The following SAMD4A variants were observed in gnomAD, a reference collection of about 807,000 sequenced individuals.
SAMD4A encodes the protein sterile alpha motif domain containing 4A.
SAMD4A carries 33 observed loss-of-function variants against 81.3 expected under a neutral mutation model. That is an observed-to-expected ratio of 0.41 (90% CI 0.31 to 0.54). The LOEUF is 0.54. Ranked by LOEUF, SAMD4A falls within the 20% of genes least tolerant of loss-of-function variation. SAMD4A has a pLI of 0.37. For missense variants in SAMD4A, 854 were observed against 951.1 expected (o/e 0.90, Z 1.34); for synonymous variants, 389 against 382.1 (o/e 1.02, Z -0.21).
intron 2 of SAMD4A, among the ~76,000 whole-genome samples, chr14:54,701,850 A>G (rs2036726971): frequency 6.6e-6 from 1 of 152,232 alleles, no homozygotes; most frequent in Admixed American, 6.5e-5. Flanking sequence ...TGAGTACTCA[A>G]TATCTAAGAA....
intron 3 of SAMD4A, among the ~76,000 whole-genome samples, chr14:54,731,592 G>T (rs1266891285): frequency 6.6e-6 from 1 of 152,186 alleles, no homozygotes; most frequent in Non-Finnish European, 1.5e-5. Context: ...GTTTAGTTGT[G>T]CTAGCTATTT....
At chr14:54,604,974 G>A (rs1377273571) in intron 2 of SAMD4A, among the ~76,000 whole-genome samples, 1 of 152,182 alleles carries the variant, frequency 6.6e-6, no homozygotes, top group African/African-American at 2.4e-5. Context: ...TGAATACCAA[G>A]TGAGAGTGGC....
intron 2 of SAMD4A, among the ~76,000 whole-genome samples, chr14:54,604,088 G>A (rs1413309372): frequency 1.3e-5 from 2 of 152,218 alleles, no homozygotes; most frequent in Admixed American, 6.5e-5. Flanking sequence ...CTCCCAAAGT[G>A]CTGGGATTAC....
chr14:54,732,289 T>C (rs1042295264), intron 3 of SAMD4A, among the ~76,000 whole-genome samples: 9 of 152,190 alleles, frequency 5.9e-5, no homozygotes, highest in African/African-American at 2.2e-4. Flanking sequence ...ATTTGTTGTA[T>C]TAATTCCAAT....
chr14:54,774,935 C>A lies in SAMD4A; in HGVS notation c.1717C>A (p.Arg573=), dbSNP rs1308951369. ...TTCCTTCTCTCTTGGCTCTCACAGT[C>A]GAGGCTTTGGGCAATCCAACTCCCT... ...DISGYRQQRN[R]GFGQSNSLPT... Residue 573 remains arginine (R), a splice_region_variant and synonymous_variant, in exon 10 of 13, where the codon CGA becomes AGA. Coordinates refer to ENST00000554335, the MANE Select transcript of SAMD4A (RefSeq NM_015589.6). 6.2e-7 allele frequency: 1 copy of A among 1,614,082 alleles called. No homozygotes were observed. Among genetic ancestry groups the A allele is most frequent in the East Asian group, 2.2e-5 (1 of 44,876 alleles).
Position 54,734,162 on chromosome 14 carries a change from T to C in SAMD4A, c.716-2862T>C, listed in dbSNP as rs540070603. Among the ~76,000 whole-genome samples, 13 of 152,332 alleles carry C rather than the reference T, an allele frequency of 8.5e-5. No individual in the cohort carries two copies. In the South Asian group the frequency reaches 2.7e-3, roughly 32 times the overall value. On this transcript the variant is annotated intron_variant, in intron 3 of 12. Coordinates refer to ENST00000554335, the MANE Select transcript of SAMD4A (RefSeq NM_015589.6). ...GTCGCCAAGGCACCTGTCACCTGTT[T>C]TAATCTCCTTCCCACAAGAATACAA...
At chr14:54,606,716 A>G (rs1350112057) in intron 2 of SAMD4A, among the ~76,000 whole-genome samples, 2 of 152,236 alleles carry the variant, frequency 1.3e-5, no homozygotes, top group Non-Finnish European at 2.9e-5. Flanking sequence ...TTAGTGACTC[A>G]GAGAATTCTT....
At chr14:54,760,069 C>G (rs1323766705) in intron 6 of SAMD4A, 92 bp from the exon 7 acceptor site, 8 of 1,336,008 alleles carry the variant, frequency 6.0e-6, no homozygotes. Flanking sequence ...GCCACGAATC[C>G]TGTAAGAGCT....
At chr14:54,730,450 G>A (rs1439078080) in intron 3 of SAMD4A, among the ~76,000 whole-genome samples, 3 of 152,148 alleles carry the variant, frequency 2.0e-5, no homozygotes, top group African/African-American at 2.4e-5. Flanking sequence ...GGAACATCCC[G>A]TCCACCAACC....
intron 2 of SAMD4A, among the ~76,000 whole-genome samples, chr14:54,691,175 T>A (rs1437382305): frequency 6.6e-6 from 1 of 152,192 alleles, no homozygotes; most frequent in Non-Finnish European, 1.5e-5. Context: ...TTTCCCTGCC[T>A]GAGCCCTCTC....
chr14:54,759,007 T>A (rs999437784), intron 6 of SAMD4A, among the ~76,000 whole-genome samples: 2 of 152,084 alleles, frequency 1.3e-5, no homozygotes, highest in South Asian at 2.1e-4. Context: ...CAGCCACAAG[T>A]GTTTGGGCCT....
Position 54,567,927 on chromosome 14 carries a change from G to C in SAMD4A, c.11G>C (p.Arg4Pro). 1 of 1,607,584 alleles carries C rather than the reference G, an allele frequency of 6.2e-7. No homozygotes were observed. Among genetic ancestry groups the C allele is most frequent in the Non-Finnish European group, 8.5e-7 (1 of 1,178,902 alleles). Residue 4 changes from arginine to proline, a missense_variant, in exon 2 of 13, where the codon CGC becomes CCC. Arg to Pro is a moderately radical substitution (Grantham distance 103, BLOSUM62 -2). Around this residue, in one of 3 missense-constraint regions of SAMD4A, gnomAD observed 387 missense variants for 405.8 expected, o/e 0.95. Transcript: ENST00000554335. The part of the protein sequence containing the change: MMF[R>P]DQVGVLAGWF... Reference sequence around the variant, plus strand: ...GGCGGCCCCCTAACCATGATGTTTCGCGACCAGGTCGGGGTGCTGGCGGGC... The same window carrying C: ...GGCGGCCCCCTAACCATGATGTTTCCCGACCAGGTCGGGGTGCTGGCGGGC...
Position 54,774,552 on chromosome 14 carries a change from A to T in SAMD4A, c.1716-382A>T, listed in dbSNP as rs548166646. 3.3e-5 allele frequency among the ~76,000 whole-genome samples: 5 copies of T among 151,862 alleles called. No individual in the cohort carries two copies. The East Asian group carries it at 9.7e-4, about 30-fold the overall frequency. Reference sequence around the variant, plus strand: ...ACCCTGTCTCCACCAAAAATATAAAAATCTGTAGTCCCAACTACTCAAGAG... The same window carrying T: ...ACCCTGTCTCCACCAAAAATATAAATATCTGTAGTCCCAACTACTCAAGAG... On this transcript the variant is annotated intron_variant, in intron 9 of 12. Transcript: ENST00000554335.
intron 3 of SAMD4A, among the ~76,000 whole-genome samples, chr14:54,727,165 CCTTTTTTTT>C (rs2037437550): frequency 1.0e-4 from 8 of 79,882 alleles, no homozygotes; most frequent in Non-Finnish European, 2.4e-4. Flanking sequence ...TTCTTTTTTT[CCTTTTTTTT>C]TTTTTTTTTT....
At chr14:54,751,784 G>A (rs1202182170) in intron 6 of SAMD4A, among the ~76,000 whole-genome samples, 1 of 152,196 alleles carries the variant, frequency 6.6e-6, no homozygotes, top group South Asian at 2.1e-4. Flanking sequence ...CTAGAGCCCT[G>A]ATGAAGTGCT....
intron 12 of SAMD4A, among the ~76,000 whole-genome samples, chr14:54,788,273 G>C (rs1437799089): frequency 6.6e-6 from 1 of 152,208 alleles, no homozygotes; most frequent in Admixed American, 6.5e-5. Context: ...TCAGGGACGT[G>C]GGTTGAGAAG....
chr14:54,776,334 TC>T, intron 10 of SAMD4A, 79 bp from the exon 11 acceptor site: 1 of 1,467,042 alleles, frequency 6.8e-7, no homozygotes. Context: ...GATCTTTGCC[TC>T]CCAAATTCTT....
At chr14:54,574,549 C>T (rs956713637) in intron 2 of SAMD4A, among the ~76,000 whole-genome samples, 2 of 152,056 alleles carry the variant, frequency 1.3e-5, no homozygotes, top group African/African-American at 2.4e-5. Context: ...GGATATTCAC[C>T]GTCATAAGTG....
chr14:54,626,474 G>C (rs749639924), intron 2 of SAMD4A, among the ~76,000 whole-genome samples: 14 of 152,130 alleles, frequency 9.2e-5, no homozygotes, highest in Non-Finnish European at 1.5e-4. Flanking sequence ...TTATAAAGGT[G>C]CCATTCAGGA....
Sources: gnomAD v4.1 joint callset for allele counts (sites outside exome capture counted in the v4.1 genomes callset) on GRCh38, gnomAD v4.1.1 for gene constraint, gnomAD v4.1.1 regional missense constraint, MANE v1.5 for transcripts, NCBI Gene and HGNC (gene_info 2026-07-23, HGNC 2026-07-21) for gene names.